SIRT3: variants seen among roughly 807,000 people sequenced by gnomAD.
SIRT3 encodes sirtuin 3, also known as NAD-dependent protein deacetylase sirtuin-3, mitochondrial.
A neutral mutation model predicts 33.5 loss-of-function variants in SIRT3; 26 were observed. The ratio of observed to expected loss-of-function variants is 0.78; its 90% CI spans 0.57 to 1.08. The LOEUF (loss-of-function observed/expected upper bound fraction) is 1.08. Among genes scored for constraint, SIRT3 ranks in the 50% least tolerant of loss-of-function variants. The pLI, the probability that SIRT3 is intolerant of heterozygous loss-of-function variation, is 0.00. For missense variants in SIRT3, 585 were observed against 530.1 expected (o/e 1.10, Z -1.02); for synonymous variants, 237 against 222.1 (o/e 1.07, Z -0.60).
chr11:224,383 A>C (rs1283587469), intron 4 of SIRT3, 144 bp from the exon 5 acceptor site: 1 of 863,564 alleles, frequency 1.2e-6, no homozygotes, highest in Non-Finnish European at 1.8e-6. Context: ...ACCCAGCTTC[A>C]GGAATTACCA....
intron 4 of SIRT3, among the ~76,000 whole-genome samples, chr11:226,894 T>C (rs1376051806): frequency 6.6e-6 from 1 of 150,876 alleles, no homozygotes; most frequent in Non-Finnish European, 1.5e-5. Context: ...TCTGAGATTA[T>C]AGGCATGCAC....
chr11:226,344 T>C (rs1048064184), intron 4 of SIRT3, among the ~76,000 whole-genome samples: 2 of 152,166 alleles, frequency 1.3e-5, no homozygotes, highest in Non-Finnish European at 2.9e-5. Flanking sequence ...TTCCAAGGTT[T>C]CTCTGGGGTT....
At chr11:235,363 G>A (rs1858847228) in intron 1 of SIRT3, among the ~76,000 whole-genome samples, 2 of 152,176 alleles carry the variant, frequency 1.3e-5, no homozygotes, top group South Asian at 4.2e-4. Context: ...GCGCCACCAT[G>A]CCCGGCTAAT....
intron 4 of SIRT3, among the ~76,000 whole-genome samples, chr11:225,083 A>T (rs1007668729): frequency 1.4e-5 from 2 of 141,698 alleles, no homozygotes; most frequent in African/African-American, 5.0e-5. Context: ...TAGCAAAAAA[A>T]AAAATTAAGG....
chr11:224,273 G>T (rs1394118002), intron 4 of SIRT3, 34 bp from the exon 5 acceptor site: 2 of 1,606,728 alleles, frequency 1.2e-6, no homozygotes, highest in Non-Finnish European at 1.7e-6. Context: ...TGAGGAAGAT[G>T]CCTGCAACAC....
At chr11:232,871 C>T (rs1590210055) in intron 3 of SIRT3, 112 bp downstream of exon 3, 2 of 1,018,968 alleles carry the variant, frequency 2.0e-6, no homozygotes, top group Non-Finnish European at 2.9e-6. Context: ...TCCCCAGAAA[C>T]AGGCACCCGA....
chr11:217,699 G>C (rs1176526092), intron 6 of SIRT3, among the ~76,000 whole-genome samples: 2 of 152,230 alleles, frequency 1.3e-5, no homozygotes, highest in Admixed American at 6.5e-5. Context: ...CCATGGCCCT[G>C]AGCCATGAGG....
At chr11:233,794 C>T (rs1564815166) in intron 1 of SIRT3, 4 of 411,724 alleles carry the variant, frequency 9.7e-6, no homozygotes, top group Admixed American at 4.0e-5. Flanking sequence ...TAATTCAGTA[C>T]ACTCAGTAGG....
intron 4 of SIRT3, among the ~76,000 whole-genome samples, chr11:229,106 G>A (rs1857549729): frequency 6.6e-6 from 1 of 152,202 alleles, no homozygotes; most frequent in South Asian, 2.1e-4. Context: ...GCCCACTGTT[G>A]GTGGAATGTA....
rs1268398435 is a variant in SIRT3, at chr11:233,034, T to C, written c.655A>G (p.Lys219Glu). 3 of 1,613,736 alleles carry C rather than the reference T, an allele frequency of 1.9e-6. No homozygotes were observed. Among genetic ancestry groups the C allele is most frequent in the South Asian group, 1.1e-5 (1 of 91,032 alleles). Residue 219 changes from lysine to glutamate, a missense_variant, in exon 3 of 7, where the codon AAG becomes GAG. Lys to Glu is a moderately conservative substitution (Grantham distance 56). Transcript: ENST00000382743. Reference sequence around the variant, plus strand: ...GTGTAGAGCCGCAGAAGCAGCCCCTTGTCATGAAGCAGCCGGAGAAAGTAG... The same window carrying C: ...GTGTAGAGCCGCAGAAGCAGCCCCTCGTCATGAAGCAGCCGGAGAAAGTAG... ...THYFLRLLHD[K>E]GLLLRLYTQN...
upstream of SIRT3, chr11:236,910 GGGCCCGCCCCC>G: frequency 2.8e-6 from 2 of 709,844 alleles, no homozygotes; most frequent in South Asian, 3.2e-5. Context: ...GCAACCAGCG[GGGCCCGCCCCC>G]GGCCTGCTAC....
In SIRT3 at chr11:223,472, C is replaced by A; in HGVS notation, c.969+606G>T. The A allele has an allele frequency of 3.4e-6, 1 of 297,492 alleles. No individual in the cohort carries two copies. The highest frequency in any genetic ancestry group is 3.1e-5 in the South Asian group (1 of 32,040). The allele number at this position is 297,492 out of a possible 1,614,324, so 18.4% of individuals were successfully genotyped here. A position where few individuals can be genotyped will look rare whatever the true frequency, so the allele number is the denominator to read the frequency against. Reference sequence around the variant, plus strand: ...CAGCCTCCTGGCACTGCTTGCTCCACTCTCCACTCCCCAAAGGCCTCCCTG... The same window carrying A: ...CAGCCTCCTGGCACTGCTTGCTCCAATCTCCACTCCCCAAAGGCCTCCCTG... On this transcript the variant is annotated intron_variant, in intron 5 of 6. Coordinates refer to ENST00000382743, the MANE Select transcript of SIRT3 (RefSeq NM_012239.6). This position sits in a 1 kb window ranked among gnomAD's most constrained non-coding sequence, Gnocchi z 4.8.
chr11:227,925 A>G (rs965274027), intron 4 of SIRT3, among the ~76,000 whole-genome samples: 9 of 152,108 alleles, frequency 5.9e-5, no homozygotes, highest in Admixed American at 5.9e-4. Flanking sequence ...CCCAGTCCCA[A>G]ATAATCTCTT....
chr11:229,414 C>T (rs753993061), intron 4 of SIRT3, among the ~76,000 whole-genome samples: 3 of 152,006 alleles, frequency 2.0e-5, no homozygotes, highest in African/African-American at 4.8e-5. Flanking sequence ...CACTGCACTC[C>T]AGCCTGGTGA....
chr11:220,486 A>G (rs980373906), intron 5 of SIRT3, among the ~76,000 whole-genome samples: 2 of 152,188 alleles, frequency 1.3e-5, no homozygotes, highest in Admixed American at 6.5e-5. Flanking sequence ...TCCAAAGAGA[A>G]GAAACACAAC....
chr11:218,497 T>C (rs1362949664), intron 6 of SIRT3, among the ~76,000 whole-genome samples: 2 of 152,238 alleles, frequency 1.3e-5, no homozygotes, highest in Non-Finnish European at 2.9e-5. Context: ...CCGTATCATC[T>C]TAGAATCACA....
At chr11:232,307 C>T (rs1428414561) in intron 3 of SIRT3, among the ~76,000 whole-genome samples, 4 of 151,680 alleles carry the variant, frequency 2.6e-5, no homozygotes, top group African/African-American at 7.3e-5. Context: ...TTAGTAGAGA[C>T]GGGGTTTTGC....
At chr11:234,476 G>A (rs1044059650) in intron 1 of SIRT3, among the ~76,000 whole-genome samples, 4 of 151,922 alleles carry the variant, frequency 2.6e-5, no homozygotes, top group African/African-American at 7.3e-5. Flanking sequence ...GTGCAGTGTC[G>A]CGATCTCGGC....
chr11:234,728 T>C (rs1335101348), intron 1 of SIRT3, among the ~76,000 whole-genome samples: 1 of 150,422 alleles, frequency 6.6e-6, no homozygotes, highest in Non-Finnish European at 1.5e-5. Flanking sequence ...AGGATTTGTT[T>C]TAACAGTTTT....
Sources: gnomAD v4.1 joint callset for allele counts (sites outside exome capture counted in the v4.1 genomes callset) on GRCh38, gnomAD v4.1.1 for gene constraint, Gnocchi (gnomAD v3.1) non-coding constraint, MANE v1.5 for transcripts, NCBI Gene and HGNC (gene_info 2026-07-23, HGNC 2026-07-21) for gene names.